The following EPM2A variants were observed in gnomAD, a reference collection of about 807,000 sequenced individuals.
EPM2A encodes the protein EPM2A glucan phosphatase, laforin, also known as laforin.
A neutral mutation model predicts 26.5 loss-of-function variants in EPM2A; 21 were observed. The ratio of observed to expected loss-of-function variants is 0.79; its 90% CI spans 0.56 to 1.14. EPM2A has a LOEUF of 1.14. Among genes scored for constraint, EPM2A ranks in the 50% most tolerant of loss-of-function variants. The pLI, the probability that EPM2A is intolerant of heterozygous loss-of-function variation, is 0.00. For missense variants in EPM2A, 458 were observed against 440.8 expected (o/e 1.04, Z -0.35); for synonymous variants, 217 against 177.6 (o/e 1.22, Z -1.76).
At chr6:145,479,885 G>A (rs1359534504) in intron 4 of EPM2A, among the ~76,000 whole-genome samples, 1 of 151,932 alleles carries the variant, frequency 6.6e-6, no homozygotes, top group Non-Finnish European at 1.5e-5. Context: ...AACATACAAG[G>A]ATTTCAATTC....
At chr6:145,488,535 G>C (rs1241876952) in intron 4 of EPM2A, among the ~76,000 whole-genome samples, 2 of 151,098 alleles carry the variant, frequency 1.3e-5, no homozygotes, top group Admixed American at 6.6e-5. Flanking sequence ...GAGAGAGAGA[G>C]AGAGAGAGAG....
intron 4 of EPM2A, among the ~76,000 whole-genome samples, chr6:145,478,825 T>G (rs2114731476): frequency 6.6e-6 from 1 of 152,000 alleles, no homozygotes; most frequent in South Asian, 2.1e-4. Flanking sequence ...TACTTTTAAC[T>G]TCATTGCATA....
At position 145,663,432 on chromosome 6, in the gene EPM2A, C is replaced by T. The variant is rs917883411; in HGVS notation, c.476+22690G>A. 1.4e-4 allele frequency among the ~76,000 whole-genome samples: 22 copies of T among 152,212 alleles called. 1 individual carries two copies. Among genetic ancestry groups the T allele is most frequent in the Non-Finnish European group, 1.5e-5 (1 of 68,038 alleles). ...GTGCGTGAGCCGAAGCAGGGCGAGG[C>T]ATTGCCTCACCTGGGAAGCGCAAGG... On this transcript the variant is annotated intron_variant, in intron 2 of 3. Transcript: ENST00000367519.
At chr6:145,395,807 C>T (rs963564935) in intron 4 of EPM2A, among the ~76,000 whole-genome samples, 3 of 152,132 alleles carry the variant, frequency 2.0e-5, no homozygotes, top group Non-Finnish European at 4.4e-5. Context: ...TTATCTGGTA[C>T]GCTGATGAGT....
In EPM2A at chr6:145,723,225, T is replaced by C. The variant is rs554906317; in HGVS notation, c.301+11973A>G. 7.9e-5 allele frequency among the ~76,000 whole-genome samples: 12 copies of C among 152,162 alleles called. No individual in the cohort carries two copies. In the South Asian group the frequency reaches 2.5e-3, roughly 32 times the overall value. On this transcript the variant is annotated intron_variant, in intron 1 of 3. Transcript: ENST00000367519. ...CAAATGAAAGAGTGGAGTAAAAAAA[T>C]AGTGATAATTAGAAGGCTGAATTTA...
intron 1 of EPM2A, among the ~76,000 whole-genome samples, chr6:145,727,328 G>A (rs1017513717): frequency 6.6e-6 from 1 of 152,148 alleles, no homozygotes; most frequent in East Asian, 1.9e-4. Flanking sequence ...TTCTACAGAT[G>A]AGAAATACAG....
At chr6:145,431,887 T>C (rs1216140628) in intron 4 of EPM2A, among the ~76,000 whole-genome samples, 1 of 152,226 alleles carries the variant, frequency 6.6e-6, no homozygotes, top group Admixed American at 6.5e-5. Context: ...AACGCTGTCT[T>C]TGCCTAATCA....
chr6:145,720,382 T>C (rs1382014214), intron 1 of EPM2A, among the ~76,000 whole-genome samples: 1 of 152,210 alleles, frequency 6.6e-6, no homozygotes, highest in East Asian at 1.9e-4. Flanking sequence ...GCAATACTCA[T>C]ATATATTAAG....
At chr6:145,465,383 C>G (rs1186841119) in intron 4 of EPM2A, among the ~76,000 whole-genome samples, 1 of 151,598 alleles carries the variant, frequency 6.6e-6, no homozygotes, top group Admixed American at 6.6e-5. Flanking sequence ...AAATTTTTTT[C>G]AAAGTTTTCA....
intron 4 of EPM2A, among the ~76,000 whole-genome samples, chr6:145,462,349 T>C (rs992931421): frequency 6.6e-5 from 10 of 152,136 alleles, no homozygotes; most frequent in African/African-American, 1.7e-4. Flanking sequence ...GCAACAAATA[T>C]ATCATTCCCT....
chr6:145,675,179 C>A (rs1254673496), intron 2 of EPM2A, among the ~76,000 whole-genome samples: 1 of 152,112 alleles, frequency 6.6e-6, no homozygotes. Context: ...CATTTCCACC[C>A]AAACTAAGCT....
intron 4 of EPM2A, among the ~76,000 whole-genome samples, chr6:145,456,608 G>A (rs1415419260): frequency 1.3e-5 from 2 of 152,044 alleles, no homozygotes; most frequent in East Asian, 3.9e-4. Flanking sequence ...TAATGAATAT[G>A]GACAATTTCT....
At chr6:145,496,728 A>ATGTTTTTTTATTTT, downstream of EPM2A, among the ~76,000 whole-genome samples, 1 of 106,906 alleles carries the variant, frequency 9.4e-6, no homozygotes, top group Non-Finnish European at 2.0e-5. Context: ...AGTTCCTGCA[A>ATGTTTTTTTATTTT]TTTTTTTTTT....
rs77323732 is a variant in EPM2A, at chr6:145,695,732, T to A, written c.302-9436A>T. On this transcript the variant is annotated intron_variant, in intron 1 of 3. Transcript: ENST00000367519. Reference sequence around the variant, plus strand: ...AATTATATAATGATAAAGGTGTCAATTCTTCAACATTTATAAATATATATA... The same window carrying A: ...AATTATATAATGATAAAGGTGTCAAATCTTCAACATTTATAAATATATATA... 4.1e-3 allele frequency among the ~76,000 whole-genome samples: 626 copies of A among 152,138 alleles called. 18 individuals carry two copies. The East Asian group carries it at 0.07, about 17-fold the overall frequency.
At chr6:145,604,912 G>A (rs911373583) in intron 2 of EPM2A, among the ~76,000 whole-genome samples, 1 of 152,084 alleles carries the variant, frequency 6.6e-6, no homozygotes, top group Non-Finnish European at 1.5e-5. Context: ...ACAATTGTGA[G>A]AGTGAAAAAT....
chr6:145,528,817 T>C (rs1780315371), intron 2 of EPM2A, among the ~76,000 whole-genome samples: 2 of 152,204 alleles, frequency 1.3e-5, no homozygotes, highest in South Asian at 2.1e-4. Flanking sequence ...ATTCCTCTGA[T>C]GGGTCTGGGG....
chr6:145,561,801 T>C (rs971909963), intron 2 of EPM2A, among the ~76,000 whole-genome samples: 4 of 152,292 alleles, frequency 2.6e-5, no homozygotes, highest in Middle Eastern at 3.4e-3. Context: ...GAAACCTGGT[T>C]GTTGTTTACA....
At chr6:145,611,532 T>G (rs1775391578) in intron 2 of EPM2A, among the ~76,000 whole-genome samples, 1 of 151,954 alleles carries the variant, frequency 6.6e-6, no homozygotes, top group Non-Finnish European at 1.5e-5. Flanking sequence ...CCAACAAATT[T>G]TATTACCTTT....
At chr6:145,554,461 T>TAGAC (rs1437524761) in intron 2 of EPM2A, among the ~76,000 whole-genome samples, 1 of 150,452 alleles carries the variant, frequency 6.6e-6, no homozygotes, top group East Asian at 1.9e-4. Context: ...GATAGATAGA[T>TAGAC]AGATAGATAC....
Sources: gnomAD v4.1 joint callset for allele counts (sites outside exome capture counted in the v4.1 genomes callset) on GRCh38, gnomAD v4.1.1 for gene constraint, MANE v1.5 for transcripts, NCBI Gene and HGNC (gene_info 2026-07-23, HGNC 2026-07-21) for gene names.